COBL: variants seen among roughly 807,000 people sequenced by gnomAD.
The protein encoded by COBL is cordon-bleu WH2 repeat protein.
In COBL, 51 loss-of-function variants were observed where a neutral mutation model predicts 98.8. The ratio of observed to expected loss-of-function variants is 0.52; its 90% CI spans 0.41 to 0.65. COBL has a LOEUF of 0.65. COBL is among the 30% of genes least tolerant of loss of function. COBL has a pLI of 0.00. For missense variants in COBL, 1,617 were observed against 1,617.5 expected (o/e 1.00, Z 0.01); for synonymous variants, 634 against 651.7 (o/e 0.97, Z 0.41).
chr7:51,287,988 T>C lies in COBL; in HGVS notation c.41+28605A>G, dbSNP rs74890631. 1.1e-4 allele frequency among the ~76,000 whole-genome samples: 16 copies of C among 152,194 alleles called. No homozygotes were observed. The East Asian group carries it at 1.9e-3, about 18-fold the overall frequency. ...AAAGATTATAGTGATGGAGAACAAA[T>C]CAGTGGTTGCCAGGAAGAGAACAAA... is the stretch of plus-strand genomic sequence containing the variant. On this transcript the variant is annotated intron_variant, in intron 1 of 12. Coordinates refer to ENST00000265136, the MANE Select transcript of COBL (RefSeq NM_015198.5).
At chr7:51,089,375 C>T (rs1012816278) in intron 6 of COBL, among the ~76,000 whole-genome samples, 1 of 151,936 alleles carries the variant, frequency 6.6e-6, no homozygotes, top group Non-Finnish European at 1.5e-5. Flanking sequence ...ATTAGCCAGG[C>T]GTGGTGGCGG....
At chr7:51,279,979 C>T (rs930165864) in intron 1 of COBL, among the ~76,000 whole-genome samples, 5 of 151,958 alleles carry the variant, frequency 3.3e-5, no homozygotes, top group Non-Finnish European at 5.9e-5. Context: ...TATTCCATTG[C>T]CTGAATATAA....
chr7:51,145,917 C>T (rs919824843), intron 5 of COBL, among the ~76,000 whole-genome samples: 3 of 152,200 alleles, frequency 2.0e-5, no homozygotes, highest in Admixed American at 6.5e-5. Flanking sequence ...CGTTTGTTTA[C>T]TCCCACTAGG....
chr7:51,229,998 T>C (rs757000082), intron 1 of COBL, among the ~76,000 whole-genome samples: 1 of 152,146 alleles, frequency 6.6e-6, no homozygotes, highest in Non-Finnish European at 1.5e-5. Context: ...TGCTGCCTTA[T>C]CTGTGCAGGC....
chr7:51,062,653 C>T (rs1791501108), intron 7 of COBL, among the ~76,000 whole-genome samples: 2 of 152,188 alleles, frequency 1.3e-5, no homozygotes, highest in East Asian at 1.9e-4. Context: ...GAAACGTGGG[C>T]GCTTGCTGAT....
At chr7:51,172,455 C>T (rs866855609) in intron 5 of COBL, 8 of 1,288,008 alleles carry the variant, frequency 6.2e-6, no homozygotes, top group Middle Eastern at 4.3e-4. Flanking sequence ...TTAGTACTCA[C>T]GTTCAAACCC....
At position 51,279,881 on chromosome 7, in the gene COBL, T is replaced by C. The variant is rs1799658731; in HGVS notation, c.41+36712A>G. 2.6e-5 allele frequency among the ~76,000 whole-genome samples: 4 copies of C among 152,222 alleles called. 1 individual carries two copies. The highest frequency in any genetic ancestry group is 4.1e-4 in the South Asian group (2 of 4,834). Reference sequence around the variant, plus strand: ...TCATACAGCATGTGGCCTTTTCAGATTGGCTTCTTTCACTTGGTAACATGT... The same window carrying C: ...TCATACAGCATGTGGCCTTTTCAGACTGGCTTCTTTCACTTGGTAACATGT... On this transcript the variant is annotated intron_variant, in intron 1 of 12. Transcript: ENST00000265136.
At chr7:51,243,551 C>T (rs186610921) in intron 1 of COBL, among the ~76,000 whole-genome samples, 3 of 152,338 alleles carry the variant, frequency 2.0e-5, no homozygotes, top group South Asian at 2.1e-4. Flanking sequence ...CTCTGGTGCA[C>T]CCGTGCCACG....
intron 1 of COBL, among the ~76,000 whole-genome samples, chr7:51,279,494 G>A (rs1252161018): frequency 6.6e-6 from 1 of 152,144 alleles, no homozygotes; most frequent in African/African-American, 2.4e-5. Context: ...GCAGTTTTAA[G>A]TTCAAAGCAA....
chr7:51,028,088 C>A lies in COBL; in HGVS notation c.3008G>T (p.Ser1003Ile). 1.9e-6 allele frequency: 3 copies of A among 1,613,904 alleles called. No homozygotes were observed. The highest frequency in any genetic ancestry group is 2.5e-6 in the Non-Finnish European group (3 of 1,179,868). ...CTCAGATGCTGAGCTGGCCTCCTGG[C>A]TACTTGTGCTTTGCTTTCCACTGAA... ...CGFSGKQSTSSQEASSASEPR... is the reference protein window; with the variant it reads ...CGFSGKQSTSIQEASSASEPR... The change falls in exon 10 of 13, where the codon AGC becomes ATC. Residue 1003 changes from serine to isoleucine, a missense_variant. By Grantham distance (142) the Ser-to-Ile change is moderately radical. Coordinates refer to ENST00000265136, the MANE Select transcript of COBL (RefSeq NM_015198.5).
At chr7:51,035,996 C>T (rs993666548) in intron 8 of COBL, 1 of 152,168 alleles carries the variant, frequency 6.6e-6, no homozygotes, top group South Asian at 2.1e-4. Flanking sequence ...GGGATTGGTT[C>T]CAGGATCCCC....
intron 7 of COBL, among the ~76,000 whole-genome samples, chr7:51,045,840 C>T (rs1041050596): frequency 3.9e-5 from 6 of 152,320 alleles, no homozygotes; most frequent in African/African-American, 1.4e-4. Context: ...CTAAATTAAG[C>T]CACCTGCAAA....
intron 7 of COBL, among the ~76,000 whole-genome samples, chr7:51,063,140 T>C (rs547372585): frequency 8.0e-3 from 12 of 1,504 alleles, no homozygotes; most frequent in African/African-American, 0.034. Context: ...TTCTCTCTCT[T>C]TTTTTTTTTT....
intron 5 of COBL, among the ~76,000 whole-genome samples, chr7:51,145,875 C>T (rs1198133381): frequency 1.3e-5 from 2 of 152,154 alleles, no homozygotes; most frequent in Non-Finnish European, 2.9e-5. Flanking sequence ...AACTGCACTT[C>T]CCCCACTACT....
chr7:51,177,459 G>A (rs1324972151), intron 5 of COBL, among the ~76,000 whole-genome samples: 1 of 152,114 alleles, frequency 6.6e-6, no homozygotes, highest in Non-Finnish European at 1.5e-5. Flanking sequence ...CACAAGAAAA[G>A]TAAAATGCAT....
chr7:51,058,580 AC>A (rs1406223908), intron 7 of COBL, among the ~76,000 whole-genome samples: 2 of 133,278 alleles, frequency 1.5e-5, no homozygotes, highest in African/African-American at 5.9e-5. Flanking sequence ...AACAACAACA[AC>A]AACAACACAA....
At chr7:51,081,131 C>G (rs1460250856) in intron 7 of COBL, among the ~76,000 whole-genome samples, 1 of 152,110 alleles carries the variant, frequency 6.6e-6, no homozygotes, top group Non-Finnish European at 1.5e-5. Flanking sequence ...CTCTGAGTCC[C>G]AAGAAGGGCA....
chr7:51,297,864 T>C (rs139203814), intron 1 of COBL, among the ~76,000 whole-genome samples: 9 of 152,348 alleles, frequency 5.9e-5, no homozygotes, highest in African/African-American at 2.2e-4. Flanking sequence ...GCGTCTTCAC[T>C]AGGAGCTTAA....
rs1786361371 is a variant in COBL at position 51,017,240 on chromosome 7, A to ACTTTGT, written c.*310_*311insACAAAG. ...TTCTTTTTACTTTGCCCATAAATATAATTAAGTGTGAGTGCTGGGCTCCAG... is the reference window on the plus strand; with the variant it reads ...TTCTTTTTACTTTGCCCATAAATATACTTTGTATTAAGTGTGAGTGCTGGGCTCCAG... On this transcript the variant is annotated 3_prime_UTR_variant, in exon 13 of 13. Coordinates refer to ENST00000265136, the MANE Select transcript of COBL (RefSeq NM_015198.5). 7 of 541,218 alleles carry ACTTTGT rather than the reference A, an allele frequency of 1.3e-5. No homozygotes were observed. In the South Asian group the frequency reaches 2.1e-4, roughly 16 times the overall value. The allele number at this position is 541,218 out of a possible 1,614,324, so 33.5% of individuals were successfully genotyped here.
Sources: gnomAD v4.1 joint callset for allele counts (sites outside exome capture counted in the v4.1 genomes callset) on GRCh38, gnomAD v4.1.1 for gene constraint, MANE v1.5 for transcripts, NCBI Gene and HGNC (gene_info 2026-07-23, HGNC 2026-07-21) for gene names.